GRIK4: variants seen among roughly 807,000 people sequenced by gnomAD.
The protein encoded by GRIK4 is glutamate receptor ionotropic, kainate 4.
A neutral mutation model predicts 104.9 loss-of-function variants in GRIK4; 40 were observed. The observed-to-expected ratio is 0.38, with a 90% CI of 0.30 to 0.50. The LOEUF (loss-of-function observed/expected upper bound fraction) is 0.50, where lower values mean the gene tolerates loss of function less well. GRIK4 is among the 20% of genes least tolerant of loss of function. The probability of loss-of-function intolerance (pLI) is 0.93; values close to 1 mark genes in which losing one functional copy is unlikely to be tolerated. For synonymous variants in GRIK4, 485 were observed against 524.9 expected, an observed-to-expected ratio of 0.92 and a Z score of 1.04; for missense variants, 1,047 against 1,308.1, an observed-to-expected ratio of 0.80 and a Z score of 3.08.
chr11:120,769,847 T>A (rs1951908040), intron 3 of GRIK4, among the ~76,000 whole-genome samples: 1 of 152,202 alleles, frequency 6.6e-6, no homozygotes, highest in Non-Finnish European at 1.5e-5. Flanking sequence ...CAGTGAGGCT[T>A]ACAACATCTG....
intron 1 of GRIK4, 29 bp from the exon 2 acceptor site, chr11:120,653,656 T>C (rs1178121709): frequency 6.6e-6 from 1 of 152,238 alleles, no homozygotes; most frequent in East Asian, 1.9e-4. Context: ...CCACATATGT[T>C]CTCTGATTGG....
chr11:120,622,770 T>C (rs951133983), intron 1 of GRIK4, among the ~76,000 whole-genome samples: 12 of 152,250 alleles, frequency 7.9e-5, no homozygotes, highest in Middle Eastern at 6.3e-3. Flanking sequence ...GTTCTGTGCC[T>C]CTTGCAGCAT....
intron 1 of GRIK4, chr11:120,515,074 G>A (rs1010286906): frequency 2.0e-5 from 9 of 455,868 alleles, no homozygotes; most frequent in African/African-American, 6.0e-5. Flanking sequence ...CCCTCTGCAC[G>A]CTGACCCCAA....
At chr11:120,568,394 CTT>C (rs60713831) in intron 1 of GRIK4, among the ~76,000 whole-genome samples, 1 of 146,724 alleles carries the variant, frequency 6.8e-6, no homozygotes, top group African/African-American at 2.5e-5. Flanking sequence ...CTTTTCTTTT[CTT>C]TTTTTTTTTG....
chr11:120,835,500 C>T (rs916185861), intron 7 of GRIK4, among the ~76,000 whole-genome samples: 1 of 151,606 alleles, frequency 6.6e-6, no homozygotes, highest in African/African-American at 2.4e-5. Flanking sequence ...TGCACTCCAG[C>T]CTGGGTGACA....
At chr11:120,713,185 A>G (rs1377978285) in intron 3 of GRIK4, among the ~76,000 whole-genome samples, 1 of 152,194 alleles carries the variant, frequency 6.6e-6, no homozygotes, top group Non-Finnish European at 1.5e-5. Flanking sequence ...GTCCAAGTCA[A>G]GTGTCCCCCT....
rs182165669 is a variant in GRIK4, at chr11:120,753,702, C to T, written c.83-48991C>T. Among the ~76,000 whole-genome samples the T allele has an allele frequency of 1.1e-4, 17 of 152,186 alleles. No homozygotes were observed. In the East Asian group the frequency reaches 2.5e-3, roughly 23 times the overall value. ...GGAGACAACAGGTAAGAGATGATGC[C>T]GGCCCTTGTCTTTCAAAATTAGAGG... On this transcript the variant is annotated intron_variant, in intron 3 of 20. Coordinates refer to ENST00000527524, the MANE Select transcript of GRIK4 (RefSeq NM_014619.5).
rs187578070 is a variant in GRIK4, at chr11:120,962,687, C to T, written c.2266+6C>T. 7.9e-5 allele frequency: 126 copies of T among 1,597,562 alleles called. No homozygotes were observed. The East Asian group carries it at 2.0e-3, about 25-fold the overall frequency. ...TGGGATTGGCATGCCAGTCGGTATG[C>T]GGGAGAGGAACAGCCTCTTTGGGTA... On this transcript the variant is annotated splice_donor_region_variant and intron_variant, in intron 18 of 20. Coordinates refer to ENST00000527524, the MANE Select transcript of GRIK4 (RefSeq NM_014619.5).
chr11:120,748,850 A>G (rs1027955667), intron 3 of GRIK4, among the ~76,000 whole-genome samples: 2 of 152,278 alleles, frequency 1.3e-5, no homozygotes, highest in Admixed American at 6.5e-5. Flanking sequence ...GCAGCCTTCC[A>G]TCTGCCCAAG....
At chr11:120,626,108 A>G (rs1949255509) in intron 1 of GRIK4, among the ~76,000 whole-genome samples, 1 of 152,244 alleles carries the variant, frequency 6.6e-6, no homozygotes, top group Non-Finnish European at 1.5e-5. Context: ...CCGCCCCAAC[A>G]AAAGATGCTT....
In GRIK4 at chr11:120,670,585, T is replaced by C. The variant is rs538381140; in HGVS notation, c.82+10185T>C. On this transcript the variant is annotated intron_variant, in intron 3 of 20. Transcript: ENST00000527524. Reference sequence around the variant, plus strand: ...GCTGTGCCCTCTGCCTGGAACACTTTTCACCTGGATATCTGTGTGGTTCAC... The same window carrying C: ...GCTGTGCCCTCTGCCTGGAACACTTCTCACCTGGATATCTGTGTGGTTCAC... 4.6e-5 allele frequency among the ~76,000 whole-genome samples: 7 copies of C among 152,376 alleles called. No individual in the cohort carries two copies. In the South Asian group the frequency reaches 1.5e-3, roughly 32 times the overall value.
intron 3 of GRIK4, among the ~76,000 whole-genome samples, chr11:120,732,248 C>T (rs910068100): frequency 6.6e-6 from 1 of 152,172 alleles, no homozygotes; most frequent in African/African-American, 2.4e-5. Context: ...TCTCCTGCCT[C>T]AGCCTCCCAA....
At chr11:120,654,929 G>A (rs373154631) in intron 2 of GRIK4, among the ~76,000 whole-genome samples, 3 of 151,952 alleles carry the variant, frequency 2.0e-5, no homozygotes, top group Admixed American at 6.6e-5. Flanking sequence ...TCCCCTTCTC[G>A]GCATATATTA....
intron 8 of GRIK4, 34 bp downstream of exon 8, chr11:120,836,878 A>G: frequency 3.7e-6 from 5 of 1,345,820 alleles, no homozygotes; most frequent in Non-Finnish European, 5.3e-6. Context: ...TCCTTGGAAG[A>G]GAGTGTTGTC....
chr11:120,614,701 T>C (rs1815896), intron 1 of GRIK4, among the ~76,000 whole-genome samples: 4,518 of 152,248 alleles, frequency 0.03, 410 homozygotes, highest in East Asian at 0.22. Context: ...TGATCTGATT[T>C]ATTAAAACTG....
At position 120,856,243 on chromosome 11, in the gene GRIK4, T is replaced by G. The variant is rs530414455; in HGVS notation, c.745-5716T>G. Reference sequence around the variant, plus strand: ...GCCAGTATGTGGCCAAATGAGGGTTTGAAACCAGGACTGTCTTATTTCAAA... The same window carrying G: ...GCCAGTATGTGGCCAAATGAGGGTTGGAAACCAGGACTGTCTTATTTCAAA... On this transcript the variant is annotated intron_variant, in intron 8 of 20. Coordinates refer to ENST00000527524, the MANE Select transcript of GRIK4 (RefSeq NM_014619.5). 4.6e-5 allele frequency among the ~76,000 whole-genome samples: 7 copies of G among 152,338 alleles called. No individual in the cohort carries two copies. In the South Asian group the frequency reaches 1.4e-3, roughly 32 times the overall value.
At chr11:120,569,545 A>G (rs1248718236) in intron 1 of GRIK4, among the ~76,000 whole-genome samples, 2 of 152,124 alleles carry the variant, frequency 1.3e-5, no homozygotes, top group Non-Finnish European at 2.9e-5. Context: ...CCCCATTTCT[A>G]TATATGGGTA....
chr11:120,794,080 A>G (rs185127489), intron 3 of GRIK4, among the ~76,000 whole-genome samples: 17 of 131,128 alleles, frequency 1.3e-4, no homozygotes, highest in Admixed American at 5.3e-4. Flanking sequence ...GGCAGTGGTT[A>G]GAGGTGAGGG....
intron 2 of GRIK4, among the ~76,000 whole-genome samples, chr11:120,656,094 G>A (rs904099214): frequency 1.3e-5 from 2 of 152,164 alleles, no homozygotes; most frequent in South Asian, 2.1e-4. Context: ...TTCTTTTTTC[G>A]CCCCTGAATT....
Sources: gnomAD v4.1 joint callset for allele counts (sites outside exome capture counted in the v4.1 genomes callset) on GRCh38, gnomAD v4.1.1 for gene constraint, MANE v1.5 for transcripts, NCBI Gene and HGNC (gene_info 2026-07-23, HGNC 2026-07-21) for gene names.